PRDM15: variants seen among roughly 807,000 people sequenced by gnomAD.
PRDM15 encodes the protein PR/SET domain 15.
PRDM15 carries 64 observed loss-of-function variants against 128.6 expected under a neutral mutation model. The observed-to-expected ratio is 0.50, with a 90% CI of 0.41 to 0.61. The LOEUF is 0.61. PRDM15 is among the 20% of genes least tolerant of loss of function. The pLI, the probability that PRDM15 is intolerant of heterozygous loss-of-function variation, is 0.00. For synonymous variants in PRDM15, 615 were observed against 621.8 expected (o/e 0.99, Z 0.16); for missense variants, 1,242 against 1,569.1 (o/e 0.79, Z 3.52).
At chr21:41,823,490 CGTGACGGGAAGGAGCCTCTCCATCA>C (rs1568927698) in intron 13 of PRDM15, 41 bp from the exon 14 acceptor site, 31 of 1,535,550 alleles carry the variant, frequency 2.0e-5, no homozygotes, top group Non-Finnish European at 2.7e-5. Flanking sequence ...TGCGGCGTCT[CGTGACGGGAAGGAGCCTCTCCATCA>C]GGCTCCTCTG....
chr21:41,799,531 C>T lies in PRDM15; in HGVS notation c.*1709G>A, dbSNP rs1054425958. On this transcript the variant is annotated 3_prime_UTR_variant, in exon 24 of 24. Transcript: ENST00000398548. ...ATGGTGGGTAAGGTGAGGAGGTGAG[C>T]CCCACAGACCCTCCTGCATGCTGCC... 10 of 152,274 alleles carry T rather than the reference C, an allele frequency of 6.6e-5. 2 individuals carry two copies. Among genetic ancestry groups the T allele is most frequent in the Admixed American group, 1.3e-4 (2 of 15,300 alleles). 9.4% of individuals were successfully genotyped at this position (152,274 alleles called of 1,614,324 possible). A position where few individuals can be genotyped will look rare whatever the true frequency, so the allele number is the denominator to read the frequency against.
chr21:41,858,945 C>T, intron 3 of PRDM15: 1 of 1,074,794 alleles, frequency 9.3e-7, no homozygotes, highest in Non-Finnish European at 1.3e-6. Context: ...GTACCATCAC[C>T]CACAACACCA....
rs573496372 is a variant in PRDM15 at position 41,836,313 on chromosome 21, G to C, written c.1184-106C>G. The C allele has an allele frequency of 1.6e-5, 21 of 1,314,272 alleles. No homozygotes were observed. In the African/African-American group the frequency reaches 3.1e-4, roughly 19 times the overall value. The allele number at this position is 1,314,272 out of a possible 1,614,324, so 81.4% of individuals were successfully genotyped here. A position where few individuals can be genotyped will look rare whatever the true frequency, so the allele number is the denominator to read the frequency against. Reference sequence around the variant, plus strand: ...ACAAGCCGCCTCGCTCCCACCATGCGAAGGAGCTGCAGAGATGATCGCCCA... The same window carrying C: ...ACAAGCCGCCTCGCTCCCACCATGCCAAGGAGCTGCAGAGATGATCGCCCA... On this transcript the variant is annotated intron_variant, in intron 9 of 23. Transcript: ENST00000398548.
intron 1 of PRDM15, among the ~76,000 whole-genome samples, chr21:41,878,383 G>A (rs1203087668): frequency 1.5e-4 from 23 of 152,218 alleles, no homozygotes; most frequent in Admixed American, 1.5e-3. Context: ...ACATTAGGGG[G>A]TTAAGAAAGG....
intron 7 of PRDM15, among the ~76,000 whole-genome samples, chr21:41,838,375 T>C (rs1333969267): frequency 6.6e-6 from 1 of 152,246 alleles, no homozygotes; most frequent in African/African-American, 2.4e-5. Flanking sequence ...TTTGGATATA[T>C]AGCAGAAACT....
chr21:41,879,273 C>G lies in PRDM15; in HGVS notation c.-13G>C, dbSNP rs766973792. ...GGCGCAGGGCCCGGAGCTTTACCTG[C>G]CTTTGGAATGTGCAGAGCGGGATCG... On this transcript the variant is annotated 5_prime_UTR_variant, in exon 1 of 24. Coordinates refer to ENST00000398548, the MANE Select transcript of PRDM15 (RefSeq NM_001040424.3). This position sits in a 1 kb window ranked among gnomAD's most constrained non-coding sequence, Gnocchi z 5.1. 7.6e-6 allele frequency: 8 copies of G among 1,049,562 alleles called. No individual in the cohort carries two copies. Among genetic ancestry groups the G allele is most frequent in the Non-Finnish European group, 9.3e-6 (8 of 860,926 alleles). 65.0% of individuals were successfully genotyped at this position (1,049,562 alleles called of 1,614,324 possible). A position where few individuals can be genotyped will look rare whatever the true frequency, so the allele number is the denominator to read the frequency against.
intron 12 of PRDM15, among the ~76,000 whole-genome samples, chr21:41,826,991 A>G (rs958675990): frequency 6.6e-6 from 1 of 152,198 alleles, no homozygotes; most frequent in Admixed American, 6.5e-5. Context: ...GGCGCTTGCC[A>G]TGTGCGGGGT....
In PRDM15 at chr21:41,859,834, G is replaced by A; in HGVS notation, c.38-149C>T. 1.4e-6 allele frequency: 1 copy of A among 702,096 alleles called. No homozygotes were observed. Among genetic ancestry groups the A allele is most frequent in the Non-Finnish European group, 2.5e-6 (1 of 403,330 alleles). 43.5% of individuals were successfully genotyped at this position (702,096 alleles called of 1,614,324 possible). A position where few individuals can be genotyped will look rare whatever the true frequency, so the allele number is the denominator to read the frequency against. On this transcript the variant is annotated intron_variant, in intron 2 of 23. Coordinates refer to ENST00000398548, the MANE Select transcript of PRDM15 (RefSeq NM_001040424.3). The surrounding 1 kb of genome is among the most constrained non-coding windows in gnomAD (Gnocchi z 5.3). Reference sequence around the variant, plus strand: ...ACACTGCAAAGACAAGCAAGGGAGGGTGCATTGGATGGCAGAAGGCCTGTG... The same window carrying A: ...ACACTGCAAAGACAAGCAAGGGAGGATGCATTGGATGGCAGAAGGCCTGTG...
chr21:41,873,275 G>C (rs2064280034), intron 1 of PRDM15, among the ~76,000 whole-genome samples: 2 of 152,180 alleles, frequency 1.3e-5, no homozygotes, highest in African/African-American at 4.8e-5. Context: ...AGTTTCCGTA[G>C]GAGGGCGCAT....
Position 41,825,994 on chromosome 21 carries a change from T to C in PRDM15, c.1595A>G (p.Lys532Arg), listed in dbSNP as rs770286128. 2 of 1,614,210 alleles carry C rather than the reference T, an allele frequency of 1.2e-6. No individual in the cohort carries two copies. The highest frequency in any genetic ancestry group is 1.7e-6 in the Non-Finnish European group (2 of 1,180,022). The change falls in exon 13 of 24, where the codon AAG (lysine) becomes AGG (arginine). Residue 532 changes from lysine to arginine, a missense_variant. Lys to Arg is a conservative substitution (Grantham distance 26). Coordinates refer to ENST00000398548, the MANE Select transcript of PRDM15 (RefSeq NM_001040424.3). ...EAGGENLVRY[K>R]KEPSGCPVCG... is the part of the protein sequence containing the mutation. ...CACCGGGCACCCGGAAGGCTCCTTC[T>C]TGTAACGGACCAGGTTCTCCCCACC... is the stretch of plus-strand genomic sequence containing the variant.
chr21:41,831,261 T>C (rs1257868704), intron 11 of PRDM15, among the ~76,000 whole-genome samples: 1 of 152,242 alleles, frequency 6.6e-6, no homozygotes, highest in Non-Finnish European at 1.5e-5. Context: ...AGGGTCCCCC[T>C]GTCTAGGGTT....
chr21:41,869,344 G>A (rs1209321735), intron 1 of PRDM15, among the ~76,000 whole-genome samples: 3 of 151,972 alleles, frequency 2.0e-5, no homozygotes, highest in South Asian at 2.1e-4. Flanking sequence ...GCAGTGGCGC[G>A]ATCTCGGCTC....
intron 11 of PRDM15, among the ~76,000 whole-genome samples, chr21:41,831,564 G>A (rs2062692441): frequency 6.6e-6 from 1 of 152,244 alleles, no homozygotes; most frequent in African/African-American, 2.4e-5. Flanking sequence ...AGCCCAGGTT[G>A]GGGGTGAGGG....
At chr21:41,816,456 G>C (rs4561743) in intron 18 of PRDM15, among the ~76,000 whole-genome samples, 1,688 of 152,254 alleles carry the variant, frequency 0.011, 16 homozygotes, top group South Asian at 0.066. Context: ...CACGCACCAG[G>C]GAACAGGGCG....
intron 23 of PRDM15, 69 bp downstream of exon 23, chr21:41,802,643 C>T: frequency 7.9e-7 from 1 of 1,270,240 alleles, no homozygotes. Context: ...TGGAGTCACA[C>T]ACACGTAAGG....
intron 16 of PRDM15, 55 bp from the exon 17 acceptor site, chr21:41,820,229 C>T (rs1020693664): frequency 7.0e-6 from 10 of 1,424,482 alleles, no homozygotes; most frequent in Middle Eastern, 1.7e-4. Context: ...TCCACGGCAG[C>T]GAGGGCACTT....
Position 41,801,222 on chromosome 21 carries a change from A to C in PRDM15, c.*18T>G, listed in dbSNP as rs1232710542. ...ACATCCCTCTGCAGTTCTTGCCCCG[A>C]GTCTCCCGGAACGCAGCTCAGTAGC... On this transcript the variant is annotated 3_prime_UTR_variant, in exon 24 of 24. Coordinates refer to ENST00000398548, the MANE Select transcript of PRDM15 (RefSeq NM_001040424.3). 6.6e-7 allele frequency: 1 copy of C among 1,508,592 alleles called. No homozygotes were observed. The highest frequency in any genetic ancestry group is 1.4e-5 in the African/African-American group (1 of 71,608). 93.5% of individuals were successfully genotyped at this position (1,508,592 alleles called of 1,614,324 possible). A position where few individuals can be genotyped will look rare whatever the true frequency, so the allele number is the denominator to read the frequency against.
At position 41,810,762 on chromosome 21, in the gene PRDM15, T is replaced by A. The variant is rs1175497165; in HGVS notation, c.2467A>T (p.Ile823Phe). 6.2e-7 allele frequency: 1 copy of A among 1,609,682 alleles called. No homozygotes were observed. The highest frequency in any genetic ancestry group is 1.1e-5 in the South Asian group (1 of 90,992). The change falls in exon 20 of 24, where the codon ATC becomes TTC. Residue 823 changes from isoleucine to phenylalanine, a missense_variant. By Grantham distance (21) the Ile-to-Phe change is conservative. This residue lies in a region of PRDM15 where 602 missense variants were observed against 788.3 expected (regional missense o/e 0.76). Coordinates refer to ENST00000398548, the MANE Select transcript of PRDM15 (RefSeq NM_001040424.3). The surrounding 1 kb of genome is among the most constrained non-coding windows in gnomAD (Gnocchi z 6.4). ...ERNTMETHKLIHTVGKQWTCS... is the reference protein window; with the variant it reads ...ERNTMETHKLFHTVGKQWTCS... ...AGGCTGCGCCGCTCACCTGTGTGGA[T>A]GAGCTTGTGGGTCTCCATGGTGTTC... is the stretch of plus-strand genomic sequence containing the variant.
rs1261384141 is a variant in PRDM15 at position 41,879,135 on chromosome 21, G to A, written c.-10+135C>T. On this transcript the variant is annotated intron_variant, in intron 1 of 23. Coordinates refer to ENST00000398548, the MANE Select transcript of PRDM15 (RefSeq NM_001040424.3). The surrounding 1 kb of genome is among the most constrained non-coding windows in gnomAD (Gnocchi z 5.1). Reference sequence around the variant, plus strand: ...GGCATGGCGGCTGGACCGGGGCGGCGCGCGGCTGCCGGGCGCGGGGGGCGG... The same window carrying A: ...GGCATGGCGGCTGGACCGGGGCGGCACGCGGCTGCCGGGCGCGGGGGGCGG... The A allele has an allele frequency of 3.9e-6, 4 of 1,014,728 alleles. No individual in the cohort carries two copies. Among genetic ancestry groups the A allele is most frequent in the Non-Finnish European group, 4.8e-6 (4 of 837,038 alleles). 62.9% of individuals were successfully genotyped at this position (1,014,728 alleles called of 1,614,324 possible). A position where few individuals can be genotyped will look rare whatever the true frequency, so the allele number is the denominator to read the frequency against.
Sources: allele counts gnomAD v4.1 joint callset (sites outside exome capture counted in the v4.1 genomes callset), GRCh38; gene constraint gnomAD v4.1.1; regional missense constraint gnomAD v4.1.1; non-coding constraint Gnocchi (gnomAD v3.1); transcripts MANE v1.5; gene names NCBI Gene and HGNC (gene_info 2026-07-23, HGNC 2026-07-21).